ANKS1B: variants seen among roughly 807,000 people sequenced by gnomAD.
ANKS1B encodes the protein ankyrin repeat and sterile alpha motif domain containing 1B, also known as ankyrin repeat and sterile alpha motif domain-containing protein 1B.
In ANKS1B, 36 loss-of-function variants were observed where a neutral mutation model predicts 148.3. That is an observed-to-expected ratio of 0.24 (90% confidence interval 0.19 to 0.32). The LOEUF (loss-of-function observed/expected upper bound fraction) is 0.32. ANKS1B is among the 10% of genes least tolerant of loss of function. The pLI, the probability that ANKS1B is intolerant of heterozygous loss-of-function variation, is 1.00. For missense variants in ANKS1B, 1,157 were observed against 1,542.6 expected, an observed-to-expected ratio of 0.75 and a Z score of 4.19; for synonymous variants, 542 against 560.8, an observed-to-expected ratio of 0.97 and a Z score of 0.47.
rs567172386 is a variant in ANKS1B at position 98,864,805 on chromosome 12, C to T, written c.2779-32669G>A. 5.3e-5 allele frequency among the ~76,000 whole-genome samples: 8 copies of T among 152,290 alleles called. No homozygotes were observed. In the South Asian group the frequency reaches 1.5e-3, roughly 28 times the overall value. On this transcript the variant is annotated intron_variant, in intron 17 of 26. Transcript: ENST00000683438. ...AATTGCCTGCCTCTTTCCATCCCTT[C>T]AACACTCACCCTGACTCTCAGAACA...
chr12:99,482,643 A>C (rs1304907040), intron 10 of ANKS1B, among the ~76,000 whole-genome samples: 1 of 150,886 alleles, frequency 6.6e-6, no homozygotes, highest in Admixed American at 6.6e-5. Flanking sequence ...TTCCATGAGC[A>C]TGGGGTGAGT....
intron 14 of ANKS1B, among the ~76,000 whole-genome samples, chr12:99,234,720 C>G (rs1428032478): frequency 6.6e-6 from 1 of 151,704 alleles, no homozygotes; most frequent in African/African-American, 2.4e-5. Flanking sequence ...GATCAAGCAG[C>G]TGGTAAATAA....
intron 9 of ANKS1B, among the ~76,000 whole-genome samples, chr12:99,542,711 G>T (rs1222857480): frequency 6.6e-6 from 1 of 152,046 alleles, no homozygotes; most frequent in Admixed American, 6.6e-5. Flanking sequence ...TACAGCATAA[G>T]AATAGTCATA....
At chr12:99,653,153 T>C (rs2098432747) in intron 9 of ANKS1B, among the ~76,000 whole-genome samples, 1 of 152,120 alleles carries the variant, frequency 6.6e-6, no homozygotes, top group South Asian at 2.1e-4. Context: ...TTAAAAATTG[T>C]AGACCAAAAG....
At chr12:99,213,217 T>A (rs1374624290) in intron 14 of ANKS1B, among the ~76,000 whole-genome samples, 1 of 152,206 alleles carries the variant, frequency 6.6e-6, no homozygotes, top group African/African-American at 2.4e-5. Flanking sequence ...CATTTCAGCA[T>A]CCGCACGGCC....
intron 17 of ANKS1B, among the ~76,000 whole-genome samples, chr12:99,018,995 A>G (rs2153432396): frequency 6.6e-6 from 1 of 152,320 alleles, no homozygotes; most frequent in Non-Finnish European, 1.5e-5. Context: ...ATAGTTATGA[A>G]ATAAAGTGTT....
chr12:99,744,991 CAAAAAA>C (rs55904412), intron 8 of ANKS1B, among the ~76,000 whole-genome samples: 2 of 52,080 alleles, frequency 3.8e-5, no homozygotes, highest in East Asian at 6.1e-4. Flanking sequence ...GACTCTGTCT[CAAAAAA>C]AAAAAAAAAA....
chr12:99,962,875 A>G (rs1424110449), intron 1 of ANKS1B, among the ~76,000 whole-genome samples: 5 of 140,866 alleles, frequency 3.5e-5, no homozygotes, highest in African/African-American at 8.1e-5. Flanking sequence ...GTGCAGTGGC[A>G]TGATCTCGGC....
intron 12 of ANKS1B, among the ~76,000 whole-genome samples, chr12:99,350,320 A>G (rs1346494620): frequency 6.6e-6 from 1 of 152,040 alleles, no homozygotes; most frequent in Non-Finnish European, 1.5e-5. Flanking sequence ...TTTTCTTTGT[A>G]AATTATACAG....
chr12:99,143,499 T>G (rs1268001124), intron 15 of ANKS1B, among the ~76,000 whole-genome samples: 2 of 152,128 alleles, frequency 1.3e-5, no homozygotes, highest in Non-Finnish European at 2.9e-5. Flanking sequence ...TCTGTGTCTT[T>G]GTAGCCTGAG....
At chr12:98,762,531 C>T (rs1374203597) in intron 25 of ANKS1B, among the ~76,000 whole-genome samples, 1 of 152,188 alleles carries the variant, frequency 6.6e-6, no homozygotes, top group African/African-American at 2.4e-5. Flanking sequence ...CCCCTAAATG[C>T]TATTCCAAAT....
intron 14 of ANKS1B, among the ~76,000 whole-genome samples, chr12:99,231,265 G>T (rs2153951860): frequency 6.6e-6 from 1 of 152,204 alleles, no homozygotes; most frequent in South Asian, 2.1e-4. Flanking sequence ...GTTATGCTTT[G>T]CTAAGAGAAG....
chr12:99,233,876 C>A (rs2087342016), intron 14 of ANKS1B, among the ~76,000 whole-genome samples: 1 of 152,024 alleles, frequency 6.6e-6, no homozygotes, highest in African/African-American at 2.4e-5. Context: ...TGAGAGACCT[C>A]CAAATCTTTT....
At chr12:99,219,874 T>C (rs1400136477) in intron 14 of ANKS1B, among the ~76,000 whole-genome samples, 1 of 152,228 alleles carries the variant, frequency 6.6e-6, no homozygotes, top group East Asian at 1.9e-4. Flanking sequence ...AGGGATAAAC[T>C]AGGCATCTCC....
intron 1 of ANKS1B, among the ~76,000 whole-genome samples, chr12:99,967,163 T>C (rs1015158906): frequency 1.3e-5 from 2 of 152,112 alleles, no homozygotes; most frequent in Admixed American, 6.6e-5. Flanking sequence ...TTATTGAATA[T>C]CTAAATTATT....
At chr12:98,885,312 A>G (rs2099737044) in intron 17 of ANKS1B, among the ~76,000 whole-genome samples, 1 of 152,244 alleles carries the variant, frequency 6.6e-6, no homozygotes, top group Non-Finnish European at 1.5e-5. Flanking sequence ...CCAAGGAAAG[A>G]GAAGATTCTG....
At position 98,773,153 on chromosome 12, in the gene ANKS1B, A is replaced by G; in HGVS notation, c.3468T>C (p.Arg1156=). Residue 1156 remains arginine (R), a synonymous_variant, in exon 25 of 27, where the codon CGT becomes CGC. Transcript: ENST00000683438. ...GGTCCTGGGCAGCACAGGAGATATT[A>G]CGAATTTCATGCTCAGCAATTATGT... ...NKNIIAEHEI[R]NISCAAQDPE... 1 of 1,610,034 alleles carries G rather than the reference A, an allele frequency of 6.2e-7. No homozygotes were observed. Among genetic ancestry groups the G allele is most frequent in the South Asian group, 1.1e-5 (1 of 89,954 alleles).
chr12:98,794,651 T>C (rs1375922558), intron 22 of ANKS1B: 10 of 864,876 alleles, frequency 1.2e-5, no homozygotes, highest in Admixed American at 3.4e-5. Context: ...CAAAGCATTC[T>C]GGAAAGCAGC....
At chr12:99,977,524 G>C (rs2095644148) in intron 1 of ANKS1B, among the ~76,000 whole-genome samples, 1 of 152,116 alleles carries the variant, frequency 6.6e-6, no homozygotes, top group African/African-American at 2.4e-5. Flanking sequence ...TCAAATCATA[G>C]CACTGTGGAA....
Sources: allele counts gnomAD v4.1 joint callset (sites outside exome capture counted in the v4.1 genomes callset), GRCh38; gene constraint gnomAD v4.1.1; transcripts MANE v1.5; gene names NCBI Gene and HGNC (gene_info 2026-07-23, HGNC 2026-07-21).